Variants in EYS observed in about 807,000 individuals in gnomAD.
EYS encodes the protein protein eyes shut homolog.
In EYS, 250 loss-of-function variants were observed where a neutral mutation model predicts 282.1. The ratio of observed to expected loss-of-function variants is 0.89; its 90% CI spans 0.80 to 0.98. EYS has a LOEUF of 0.98. Among genes scored for constraint, EYS ranks in the 50% least tolerant of loss-of-function variants. The pLI is 0.00. For missense variants in EYS, 4,016 were observed against 3,709.0 expected, an observed-to-expected ratio of 1.08 and a Z score of -2.15; for synonymous variants, 1,355 against 1,282.9, an observed-to-expected ratio of 1.06 and a Z score of -1.20.
intron 8 of EYS, among the ~76,000 whole-genome samples, chr6:65,360,287 T>A (rs980551276): frequency 4.6e-5 from 7 of 151,994 alleles, no homozygotes; most frequent in Non-Finnish European, 8.8e-5. Flanking sequence ...TGAATTTACA[T>A]AAATTAATGT....
chr6:64,583,817 T>A (rs970733331), intron 26 of EYS, among the ~76,000 whole-genome samples: 1 of 151,956 alleles, frequency 6.6e-6, no homozygotes, highest in Non-Finnish European at 1.5e-5. Flanking sequence ...TGTGATTAAT[T>A]CCACTCAATT....
intron 1 of EYS, among the ~76,000 whole-genome samples, chr6:65,695,450 T>C (rs1469512804): frequency 2.0e-5 from 3 of 152,102 alleles, no homozygotes; most frequent in Admixed American, 2.0e-4. Context: ...TATTGAATTT[T>C]AATTTGATAT....
At chr6:65,437,279 A>G (rs1243426515) in intron 5 of EYS, among the ~76,000 whole-genome samples, 6 of 151,922 alleles carry the variant, frequency 3.9e-5, no homozygotes, top group African/African-American at 1.4e-4. Flanking sequence ...TAATTACAGG[A>G]TTAAAGAGAG....
intron 35 of EYS, among the ~76,000 whole-genome samples, chr6:63,946,509 G>A (rs1259295843): frequency 6.6e-6 from 1 of 151,894 alleles, no homozygotes; most frequent in African/African-American, 2.4e-5. Flanking sequence ...TTTTCATTAA[G>A]TTCTCTTTTA....
At chr6:65,257,577 T>C (rs994820930) in intron 12 of EYS, among the ~76,000 whole-genome samples, 2 of 150,812 alleles carry the variant, frequency 1.3e-5, no homozygotes, top group African/African-American at 4.9e-5. Flanking sequence ...GATCAGATAG[T>C]TGTAGGTAAG....
At chr6:64,449,400 G>A (rs550742369) in intron 26 of EYS, among the ~76,000 whole-genome samples, 12 of 152,290 alleles carry the variant, frequency 7.9e-5, no homozygotes, top group South Asian at 4.1e-4. Context: ...TGAAAGTGAC[G>A]AGGAGAATGG....
chr6:65,153,712 T>A (rs1193665906), intron 12 of EYS, among the ~76,000 whole-genome samples: 1 of 151,762 alleles, frequency 6.6e-6, no homozygotes, highest in Non-Finnish European at 1.5e-5. Context: ...TATTTTGGTA[T>A]AAAATCTAAT....
intron 29 of EYS, among the ~76,000 whole-genome samples, chr6:64,351,836 A>G (rs1457278319): frequency 6.6e-6 from 1 of 151,578 alleles, no homozygotes; most frequent in African/African-American, 2.4e-5. Context: ...TGGTGATACA[A>G]ATAATACCAT....
intron 29 of EYS, among the ~76,000 whole-genome samples, chr6:64,332,701 G>C (rs12209072): frequency 6.6e-6 from 1 of 152,096 alleles, no homozygotes; most frequent in Non-Finnish European, 1.5e-5. Flanking sequence ...GAGGCTGGTC[G>C]GTCCACGCAC....
At chr6:65,521,872 G>A (rs1767385674) in intron 2 of EYS, among the ~76,000 whole-genome samples, 1 of 151,922 alleles carries the variant, frequency 6.6e-6, no homozygotes, top group African/African-American at 2.4e-5. Context: ...TAGGGTTCTT[G>A]GTATATAACG....
intron 2 of EYS, among the ~76,000 whole-genome samples, chr6:65,517,174 G>A (rs1331297428): frequency 5.3e-5 from 8 of 151,790 alleles, no homozygotes; most frequent in Non-Finnish European, 8.8e-5. Flanking sequence ...TACTGCGTGT[G>A]GAAGGGCTGT....
rs1220180419 is a variant in EYS at position 63,946,476 on chromosome 6, T to A, written c.7055+37907A>T. Among the ~76,000 whole-genome samples the A allele has an allele frequency of 5.9e-5, 9 of 152,318 alleles. No individual in the cohort carries two copies. In the East Asian group the frequency reaches 1.7e-3, roughly 29 times the overall value. On this transcript the variant is annotated intron_variant, in intron 35 of 42. Transcript: ENST00000503581. Reference sequence around the variant, plus strand: ...TTTTAGTAGAAAGTCATACTAATCATTCTTTCTGGTAATCCTATTCACTTT... The same window carrying A: ...TTTTAGTAGAAAGTCATACTAATCAATCTTTCTGGTAATCCTATTCACTTT...
intron 1 of EYS, among the ~76,000 whole-genome samples, chr6:65,696,378 G>A (rs1769458501): frequency 6.6e-6 from 1 of 151,940 alleles, no homozygotes; most frequent in African/African-American, 2.4e-5. Flanking sequence ...ACCTAAATAT[G>A]CTATAAGAAT....
At chr6:64,215,472 T>A (rs1476451924) in intron 31 of EYS, among the ~76,000 whole-genome samples, 1 of 152,072 alleles carries the variant, frequency 6.6e-6, no homozygotes, top group Non-Finnish European at 1.5e-5. Context: ...GAAATGAATA[T>A]AAAATTTTAA....
At chr6:65,182,210 A>T (rs1410939576) in intron 12 of EYS, among the ~76,000 whole-genome samples, 1 of 151,166 alleles carries the variant, frequency 6.6e-6, no homozygotes, top group Non-Finnish European at 1.5e-5. Flanking sequence ...GTATAATAAA[A>T]ATATATATAA....
intron 12 of EYS, among the ~76,000 whole-genome samples, chr6:65,115,760 C>T (rs770203105): frequency 5.6e-5 from 8 of 142,112 alleles, no homozygotes; most frequent in Non-Finnish European, 1.2e-4. Context: ...TAATATGCCT[C>T]TCTGATAAAA....
Position 64,388,847 on chromosome 6 carries a change from C to G in EYS, c.5928-7G>C, listed in dbSNP as rs1298069575. 3 of 1,478,848 alleles carry G rather than the reference C, an allele frequency of 2.0e-6. No individual in the cohort carries two copies. Among genetic ancestry groups the G allele is most frequent in the Non-Finnish European group, 2.7e-6 (3 of 1,114,126 alleles). 91.6% of individuals were successfully genotyped at this position (1,478,848 alleles called of 1,614,324 possible). A position where few individuals can be genotyped will look rare whatever the true frequency, so the allele number is the denominator to read the frequency against. Reference sequence around the variant, plus strand: ...ACATGGATCCAATTCTTGCCTGTAACCATTTAAGAAAGAAATGGTTTTAGT... The same window carrying G: ...ACATGGATCCAATTCTTGCCTGTAAGCATTTAAGAAAGAAATGGTTTTAGT... On this transcript the variant is annotated splice_region_variant and splice_polypyrimidine_tract_variant and intron_variant, in intron 28 of 42. Coordinates refer to ENST00000503581, the MANE Select transcript of EYS (RefSeq NM_001142800.2).
intron 31 of EYS, among the ~76,000 whole-genome samples, chr6:64,113,205 C>G (rs1307898961): frequency 1.3e-5 from 2 of 152,118 alleles, no homozygotes; most frequent in East Asian, 3.9e-4. Flanking sequence ...ACTTTTATAA[C>G]AGTAAATGTC....
At chr6:64,195,752 T>G (rs575292425) in intron 31 of EYS, among the ~76,000 whole-genome samples, 4 of 152,230 alleles carry the variant, frequency 2.6e-5, no homozygotes, top group Admixed American at 1.3e-4. Context: ...TCATTTAAAA[T>G]AGTCTCTTGC....
Sources: gnomAD v4.1 joint callset for allele counts (sites outside exome capture counted in the v4.1 genomes callset) on GRCh38, gnomAD v4.1.1 for gene constraint, MANE v1.5 for transcripts, NCBI Gene and HGNC (gene_info 2026-07-23, HGNC 2026-07-21) for gene names.